ECHDC2: variants seen among roughly 807,000 people sequenced by gnomAD.
ECHDC2 encodes the protein enoyl-CoA hydratase domain-containing protein 2, mitochondrial.
Under a neutral mutation model 40.6 loss-of-function variants are expected in ECHDC2, and 34 were observed. The observed-to-expected ratio is 0.84, with a 90% confidence interval of 0.64 to 1.11. The LOEUF (loss-of-function observed/expected upper bound fraction) is 1.11. Among genes scored for constraint, ECHDC2 ranks in the 50% most tolerant of loss-of-function variants. The pLI is 0.00. For missense variants in ECHDC2, 392 were observed against 400.7 expected (o/e 0.98, Z 0.19); for synonymous variants, 162 against 166.6 (o/e 0.97, Z 0.21).
intron 1 of ECHDC2, among the ~76,000 whole-genome samples, chr1:52,918,768 T>C (rs1651282464): frequency 6.6e-6 from 1 of 152,132 alleles, no homozygotes; most frequent in Admixed American, 6.5e-5. Flanking sequence ...AAAGAAACAT[T>C]TGTAAAGCAA....
At chr1:52,898,919 A>G in intron 8 of ECHDC2, 1 of 557,298 alleles carries the variant, frequency 1.8e-6, no homozygotes, top group South Asian at 2.0e-5. Context: ...CCTTGGGCAA[A>G]TCATTTACCC....
At position 52,911,758 on chromosome 1, in the gene ECHDC2, CAGA is replaced by C; in HGVS notation, c.151_153del (p.Ser51del). On this transcript the variant is annotated inframe_deletion, in exon 2 of 10. Coordinates refer to ENST00000371522, the MANE Select transcript of ECHDC2 (RefSeq NM_001198961.2). The stretch of plus-strand genomic sequence containing the variant: ...AAGACATTCCCCAAGGCATTGCGGG[CAGA>C]AGGTCTGTTCATCAGAATCTCAGTG... 6.2e-7 allele frequency: 1 copy of C among 1,614,084 alleles called. No homozygotes were observed. Among genetic ancestry groups the C allele is most frequent in the South Asian group, 1.1e-5 (1 of 91,090 alleles).
At chr1:52,918,877 C>G (rs997749271) in intron 1 of ECHDC2, among the ~76,000 whole-genome samples, 1 of 152,100 alleles carries the variant, frequency 6.6e-6, no homozygotes, top group Non-Finnish European at 1.5e-5. Context: ...TGGACCCATC[C>G]CAGTCTGTGG....
rs1343363717 is a variant in ECHDC2, at chr1:52,899,253, G to T, written c.703-29C>A. ...GGGAAAAGCAAAAAGTCTTGGTTGA[G>T]GAGGGCATCAAGGCTGATAGTTGCA... On this transcript the variant is annotated intron_variant, in intron 7 of 9. Coordinates refer to ENST00000371522, the MANE Select transcript of ECHDC2 (RefSeq NM_001198961.2). 7 of 1,612,534 alleles carry T rather than the reference G, an allele frequency of 4.3e-6. No individual in the cohort carries two copies. In the African/African-American group the frequency reaches 9.3e-5, roughly 22 times the overall value.
chr1:52,903,726 C>T (rs1571929679), intron 7 of ECHDC2, among the ~76,000 whole-genome samples: 1 of 151,852 alleles, frequency 6.6e-6, no homozygotes, highest in South Asian at 2.1e-4. Flanking sequence ...GATTGCACCA[C>T]TGCACTCCAG....
intron 5 of ECHDC2, chr1:52,905,809 C>T (rs1647652143): frequency 6.0e-6 from 1 of 167,784 alleles, no homozygotes; most frequent in Non-Finnish European, 1.3e-5. Context: ...GCTAGACCAG[C>T]CTGGTATTTT....
chr1:52,903,789 A>G (rs1647153614), intron 7 of ECHDC2, among the ~76,000 whole-genome samples: 2 of 149,788 alleles, frequency 1.3e-5, no homozygotes, highest in South Asian at 2.1e-4. Flanking sequence ...TGCTTAATAC[A>G]TGTCCTGTAT....
At chr1:52,903,851 G>A (rs1337116200) in intron 7 of ECHDC2, among the ~76,000 whole-genome samples, 4 of 144,540 alleles carry the variant, frequency 2.8e-5, no homozygotes, top group South Asian at 4.3e-4. Context: ...ATGAAGTCTC[G>A]TCCTGTCGCC....
intron 1 of ECHDC2, chr1:52,920,573 A>G: frequency 7.6e-7 from 1 of 1,312,610 alleles, no homozygotes; most frequent in African/African-American, 1.4e-5. Context: ...CCACAAGTGG[A>G]ATTAAGAAAT....
rs1649094598 is a variant in ECHDC2 at position 52,910,352 on chromosome 1, G to GCTTTTTTTT, written c.277+1213_277+1214insAAAAAAAAG. 3.1e-4 allele frequency among the ~76,000 whole-genome samples: 10 copies of GCTTTTTTTT among 32,062 alleles called. 2 individuals are homozygous for GCTTTTTTTT. The highest frequency in any genetic ancestry group is 8.7e-4 in the African/African-American group (8 of 9,206). The allele number at this position is 32,062 out of a possible 152,430, so 21.0% of individuals were successfully genotyped here. A position where few individuals can be genotyped will look rare whatever the true frequency, so the allele number is the denominator to read the frequency against. Reference sequence around the variant, plus strand: ...GTTACTTATATTTCACCACAATTTCGTTTTTTTTTTTTTTTTTTTTTTTTT... The same window carrying GCTTTTTTTT: ...GTTACTTATATTTCACCACAATTTCGCTTTTTTTTTTTTTTTTTTTTTTTTTTTTTTTTT... On this transcript the variant is annotated intron_variant, in intron 3 of 9. Transcript: ENST00000371522.
At chr1:52,905,178 C>T in intron 5 of ECHDC2, 88 bp from the exon 6 acceptor site, 18 of 1,440,736 alleles carry the variant, frequency 1.2e-5, no homozygotes, top group Non-Finnish European at 1.6e-5. Flanking sequence ...CTGCTGTCTA[C>T]TCGCCCCTCT....
intron 5 of ECHDC2, chr1:52,905,335 C>T: frequency 1.8e-6 from 1 of 561,622 alleles, no homozygotes; most frequent in Non-Finnish European, 3.2e-6. Flanking sequence ...CTCACCCTTC[C>T]CAAGCCTCAA....
In ECHDC2 at chr1:52,904,699, C is replaced by G. The variant is rs1442836205; in HGVS notation, c.649G>C (p.Gly217Arg). The stretch of plus-strand genomic sequence containing the variant: ...CGTGCCCGCTGGTAGGCGGCGTCCC[C>G]CTCCTCGTTCTGGGCCACAGCGTGA... ...VNHAVAQNEEGDAAYQRARAL... is the reference protein window; with the variant it reads ...VNHAVAQNEERDAAYQRARAL... The change falls in exon 7 of 10, where the codon GGG (glycine) becomes CGG (arginine). Residue 217 changes from glycine to arginine, a missense_variant. Physicochemically the swap from Gly to Arg is moderately radical, Grantham distance 125. Coordinates refer to ENST00000371522, the MANE Select transcript of ECHDC2 (RefSeq NM_001198961.2). 6.2e-7 allele frequency: 1 copy of G among 1,611,908 alleles called. No individual in the cohort carries two copies. The highest frequency in any genetic ancestry group is 1.3e-5 in the African/African-American group (1 of 74,918).
rs1365149904 is a variant in ECHDC2 at position 52,897,467 on chromosome 1, C to T, written c.771G>A (p.Gly257=). Residue 257 remains glycine (G), a synonymous_variant, in exon 9 of 10, where the codon GGG becomes GGA. Transcript: ENST00000371522. ...DRGTEVDIAS[G]MAIEGMCYAQ... ...CATAGCACATCCCTTCAATGGCCAT[C>T]CCAGATGCAATGTCCACCTGCAAGA... The T allele has an allele frequency of 6.2e-7, 1 of 1,614,226 alleles. No individual in the cohort carries two copies. The highest frequency in any genetic ancestry group is 8.5e-7 in the Non-Finnish European group (1 of 1,180,048).
intron 7 of ECHDC2, among the ~76,000 whole-genome samples, chr1:52,903,261 AT>A (rs1340976334): frequency 6.6e-6 from 1 of 151,682 alleles, no homozygotes; most frequent in Non-Finnish European, 1.5e-5. Flanking sequence ...AGGATTTTTA[AT>A]TTTTTTCTTT....
At chr1:52,921,528 C>T (rs1270868411) in intron 1 of ECHDC2, 25 bp downstream of exon 1, 9 of 1,599,074 alleles carry the variant, frequency 5.6e-6, no homozygotes, top group Middle Eastern at 1.7e-4. Context: ...TCGCGTCATG[C>T]GCCGCCCCGG....
In ECHDC2 at chr1:52,912,123, C is replaced by T. The variant is rs183841654; in HGVS notation, c.122-333G>A. The T allele has an allele frequency of 1.4e-4, 139 of 981,416 alleles. No homozygotes were observed. The African/African-American group carries it at 2.1e-3, about 15-fold the overall frequency. The allele number at this position is 981,416 out of a possible 1,614,324, so 60.8% of individuals were successfully genotyped here. A position where few individuals can be genotyped will look rare whatever the true frequency, so the allele number is the denominator to read the frequency against. ...ACAGACACACACACACACAAGCACA[C>T]ATGCACCCATGTACCTTCTTTAATT... is the stretch of plus-strand genomic sequence containing the variant. On this transcript the variant is annotated intron_variant, in intron 1 of 9. Coordinates refer to ENST00000371522, the MANE Select transcript of ECHDC2 (RefSeq NM_001198961.2).
In ECHDC2 at chr1:52,908,700, G is replaced by A. The variant is rs533744392; in HGVS notation, c.278-746C>T. On this transcript the variant is annotated intron_variant, in intron 3 of 9. Transcript: ENST00000371522. ...TGTAATCCCAGCACTTTGGGAGGCC[G>A]AGGTGGGCACATCACCTGAGGTCAC... Among the ~76,000 whole-genome samples, 6 of 152,044 alleles carry A rather than the reference G, an allele frequency of 3.9e-5. No individual in the cohort carries two copies. In the East Asian group the frequency reaches 7.8e-4, roughly 20 times the overall value.
rs1480888946 is a variant in ECHDC2, at chr1:52,896,881, A to G, written c.802-284T>C. The stretch of plus-strand genomic sequence containing the variant: ...CAGCTGCCGTCTGCAGTGGTCTGAC[A>G]TGAGGCTGCTCAGTAGAGAAAAAAA... On this transcript the variant is annotated intron_variant, in intron 9 of 9. Transcript: ENST00000371522. The G allele has an allele frequency of 1.4e-5, 6 of 421,808 alleles. No individual in the cohort carries two copies. In the East Asian group the frequency reaches 2.3e-4, roughly 16 times the overall value. 26.1% of individuals were successfully genotyped at this position (421,808 alleles called of 1,614,324 possible). A position where few individuals can be genotyped will look rare whatever the true frequency, so the allele number is the denominator to read the frequency against.
Sources: allele counts gnomAD v4.1 joint callset (sites outside exome capture counted in the v4.1 genomes callset), GRCh38; gene constraint gnomAD v4.1.1; transcripts MANE v1.5; gene names NCBI Gene and HGNC (gene_info 2026-07-23, HGNC 2026-07-21).